The following LINGO2 variants were observed in gnomAD, a reference collection of about 807,000 sequenced individuals.
LINGO2 encodes leucine-rich repeat and immunoglobulin-like domain-containing nogo receptor-interacting protein 2.
LINGO2 carries 14 observed loss-of-function variants against 30.6 expected under a neutral mutation model. The ratio of observed to expected loss-of-function variants is 0.46; its 90% CI spans 0.30 to 0.72. LINGO2 has a LOEUF of 0.72. LINGO2 is among the 30% of genes least tolerant of loss of function. The pLI is 0.07. For missense variants in LINGO2, 729 were observed against 751.7 expected (o/e 0.97, Z 0.35); for synonymous variants, 317 against 288.5 (o/e 1.10, Z -1.00).
chr9:28,651,272 C>T (rs951402762), intron 1 of LINGO2, among the ~76,000 whole-genome samples: 2 of 152,066 alleles, frequency 1.3e-5, no homozygotes, highest in Admixed American at 6.6e-5. Flanking sequence ...CCTGATGAGT[C>T]ACCTGTGGAC....
chr9:29,098,612 T>A, the LINGO2 span, among the ~76,000 whole-genome samples: 1 of 152,042 alleles, frequency 6.6e-6, no homozygotes, highest in Non-Finnish European at 1.5e-5. Context: ...CTATTGTGGA[T>A]GGAGTGTGTA....
At chr9:28,739,767 C>T in the LINGO2 span, among the ~76,000 whole-genome samples, 3 of 151,402 alleles carry the variant, frequency 2.0e-5, no homozygotes, top group Non-Finnish European at 4.4e-5. Flanking sequence ...TATGACAGTA[C>T]AATACTATAT....
At chr9:28,219,511 C>T (rs1820885226) in intron 4 of LINGO2, among the ~76,000 whole-genome samples, 3 of 152,098 alleles carry the variant, frequency 2.0e-5, no homozygotes, top group African/African-American at 7.2e-5. Flanking sequence ...TTGTTGGAAG[C>T]AATGTGAATA....
chr9:28,188,019 A>G (rs749271105), intron 4 of LINGO2, among the ~76,000 whole-genome samples: 10 of 152,242 alleles, frequency 6.6e-5, no homozygotes, highest in Non-Finnish European at 1.2e-4. Flanking sequence ...CCAAGCTTGT[A>G]ATTAGTTGCT....
the LINGO2 span, among the ~76,000 whole-genome samples, chr9:28,676,190 A>G: frequency 3.3e-5 from 5 of 151,680 alleles, no homozygotes; most frequent in Non-Finnish European, 7.4e-5. Context: ...TCTTAATTTT[A>G]ATAGCATAAA....
At chr9:28,186,823 G>A (rs2891312) in intron 4 of LINGO2, among the ~76,000 whole-genome samples, 111,674 of 151,896 alleles carry the variant, frequency 0.74, 41,116 homozygotes, top group Admixed American at 0.77. Context: ...GGGTGCCGGA[G>A]CAGATCAGCA....
intron 5 of LINGO2, among the ~76,000 whole-genome samples, chr9:27,970,165 C>T (rs1563866952): frequency 6.6e-6 from 1 of 152,114 alleles, no homozygotes; most frequent in Admixed American, 6.5e-5. Context: ...CACTGGGATG[C>T]TTCTGTAGGA....
At chr9:28,820,615 C>CA in the LINGO2 span, among the ~76,000 whole-genome samples, 2 of 152,064 alleles carry the variant, frequency 1.3e-5, no homozygotes, top group Admixed American at 6.5e-5. Flanking sequence ...AAACAATTTG[C>CA]AAAAAAACTG....
At chr9:29,110,408 C>A in the LINGO2 span, among the ~76,000 whole-genome samples, 12 of 152,222 alleles carry the variant, frequency 7.9e-5, no homozygotes, top group East Asian at 2.1e-3. Flanking sequence ...TCTCGGCTCA[C>A]TGCAAGCTCC....
intron 2 of LINGO2, among the ~76,000 whole-genome samples, chr9:28,375,778 T>A (rs1251253951): frequency 1.3e-5 from 2 of 152,206 alleles, no homozygotes; most frequent in African/African-American, 4.8e-5. Flanking sequence ...AATTTGCATT[T>A]CCTGTTCACA....
chr9:28,036,310 A>G (rs1823931904), intron 4 of LINGO2, among the ~76,000 whole-genome samples: 1 of 152,168 alleles, frequency 6.6e-6, no homozygotes, highest in Admixed American at 6.5e-5. Context: ...CTTTTTTACT[A>G]AAAGCGAAAG....
At chr9:28,143,973 C>G (rs1827744632) in intron 4 of LINGO2, among the ~76,000 whole-genome samples, 1 of 151,982 alleles carries the variant, frequency 6.6e-6, no homozygotes, top group Admixed American at 6.6e-5. Flanking sequence ...GAAGCATAAA[C>G]TACTTGTGCA....
At chr9:27,949,009 C>T in exon 6 of LINGO2, 1 of 1,614,102 alleles carries the variant, frequency 6.2e-7, no homozygotes, top group Non-Finnish European at 8.5e-7. Flanking sequence ...AATAAAACCA[C>T]TCCCAGGAAT....
intron 1 of LINGO2, among the ~76,000 whole-genome samples, chr9:28,485,713 A>C (rs1826142372): frequency 6.6e-6 from 1 of 152,092 alleles, no homozygotes; most frequent in Admixed American, 6.6e-5. Context: ...ATGGTTGCTG[A>C]AACCAACCCC....
intron 4 of LINGO2, among the ~76,000 whole-genome samples, chr9:28,024,815 G>A (rs867188096): frequency 3.0e-4 from 46 of 152,078 alleles, no homozygotes; most frequent in African/African-American, 1.1e-3. Flanking sequence ...CTTCCCCGAC[G>A]TGGAGCCAAA....
chr9:28,342,447 G>T (rs1318434987), intron 3 of LINGO2, among the ~76,000 whole-genome samples: 1 of 152,070 alleles, frequency 6.6e-6, no homozygotes, highest in Non-Finnish European at 1.5e-5. Context: ...TCTCAGTCAT[G>T]CTGCAGTGAC....
At chr9:28,459,168 T>G (rs989923829) in intron 2 of LINGO2, among the ~76,000 whole-genome samples, 3 of 152,020 alleles carry the variant, frequency 2.0e-5, no homozygotes. Flanking sequence ...ATGATATTAG[T>G]AAACTTCAAA....
chr9:28,966,418 C>A, the LINGO2 span, among the ~76,000 whole-genome samples: 1 of 151,982 alleles, frequency 6.6e-6, no homozygotes, highest in Non-Finnish European at 1.5e-5. Context: ...ATAAACTGTA[C>A]GTCAACTTTG....
At chr9:28,190,071 G>C (rs1452350) in intron 4 of LINGO2, among the ~76,000 whole-genome samples, 110,252 of 152,008 alleles carry the variant, frequency 0.73, 40,098 homozygotes, top group Admixed American at 0.77. Context: ...TTCTTTAAAC[G>C]TTTCACAAAC....
Sources: allele counts gnomAD v4.1 joint callset (sites outside exome capture counted in the v4.1 genomes callset), GRCh38; gene constraint gnomAD v4.1.1; transcripts MANE v1.5; gene names NCBI Gene and HGNC (gene_info 2026-07-23, HGNC 2026-07-21).